The following WWOX variants were observed in gnomAD, a reference collection of about 807,000 sequenced individuals.
WWOX encodes WW domain containing oxidoreductase.
In WWOX, 69 loss-of-function variants were observed where a neutral mutation model predicts 46.2. The observed-to-expected ratio is 1.49, with a 90% CI of 1.23 to 1.82. The LOEUF (loss-of-function observed/expected upper bound fraction) is 1.82. Among genes scored for constraint, WWOX ranks in the 40% most tolerant of loss-of-function variants. The pLI, the probability that WWOX is intolerant of heterozygous loss-of-function variation, is 0.00. For synonymous variants in WWOX, 359 were observed against 202.6 expected, an observed-to-expected ratio of 1.77 and a Z score of -6.56; for missense variants, 919 against 542.6, an observed-to-expected ratio of 1.69 and a Z score of -6.89.
rs141068907 is a variant in WWOX, at chr16:78,621,130, G to C, written c.1056+188378G>C. ...CTTTGAAAATGCTGGGTTTTAATGG[G>C]CAGGGTATAGTGCAGAAACCAGATG... On this transcript the variant is annotated intron_variant, in intron 8 of 8. Transcript: ENST00000566780. Among the ~76,000 whole-genome samples the C allele has an allele frequency of 1.5e-4, 23 of 152,212 alleles. No individual in the cohort carries two copies. In the East Asian group the frequency reaches 4.3e-3, roughly 28 times the overall value.
chr16:78,698,786 A>T (rs1170770609), intron 8 of WWOX, among the ~76,000 whole-genome samples: 1 of 152,176 alleles, frequency 6.6e-6, no homozygotes, highest in African/African-American at 2.4e-5. Flanking sequence ...GGCTGCAATG[A>T]GCTATGACTA....
chr16:78,533,877 C>T (rs1005924793), intron 8 of WWOX, among the ~76,000 whole-genome samples: 2 of 152,116 alleles, frequency 1.3e-5, no homozygotes, highest in African/African-American at 4.8e-5. Flanking sequence ...TCTGTGAGCC[C>T]TTTGAGGATG....
intron 8 of WWOX, among the ~76,000 whole-genome samples, chr16:79,191,966 T>C (rs1408561071): frequency 6.6e-6 from 1 of 152,204 alleles, no homozygotes; most frequent in Non-Finnish European, 1.5e-5. Context: ...TGATTTAAGC[T>C]AAAAATGGCT....
At chr16:79,005,581 T>TG (rs2047174624) in intron 8 of WWOX, among the ~76,000 whole-genome samples, 1 of 152,164 alleles carries the variant, frequency 6.6e-6, no homozygotes, top group Non-Finnish European at 1.5e-5. Flanking sequence ...CTTTGGTGTT[T>TG]GGGGCATGTT....
intron 8 of WWOX, among the ~76,000 whole-genome samples, chr16:78,933,943 G>A (rs2151284657): frequency 6.6e-6 from 1 of 152,202 alleles, no homozygotes; most frequent in East Asian, 1.9e-4. Context: ...TGTAATCCCA[G>A]TGCTTTGGGA....
intron 8 of WWOX, among the ~76,000 whole-genome samples, chr16:78,834,144 C>T (rs1476200695): frequency 6.6e-6 from 1 of 152,146 alleles, no homozygotes; most frequent in Non-Finnish European, 1.5e-5. Flanking sequence ...GATGCTGTGG[C>T]CTGAATAACA....
intron 3 of WWOX, 38 bp downstream of exon 3, chr16:78,109,873 C>G (rs767784132): frequency 1.2e-6 from 2 of 1,610,858 alleles, no homozygotes; most frequent in Non-Finnish European, 1.7e-6. Flanking sequence ...AGCTGTTTTG[C>G]TTTTTAATAG....
At chr16:78,174,668 C>T (rs1292450557) in intron 5 of WWOX, among the ~76,000 whole-genome samples, 5 of 152,188 alleles carry the variant, frequency 3.3e-5, no homozygotes, top group Admixed American at 3.3e-4. Flanking sequence ...CTTTCCTCAG[C>T]TTCCCACCAA....
At chr16:78,293,216 C>T (rs2079887372) in intron 5 of WWOX, among the ~76,000 whole-genome samples, 1 of 152,180 alleles carries the variant, frequency 6.6e-6, no homozygotes, top group Non-Finnish European at 1.5e-5. Context: ...AACTCAGCTG[C>T]CAAACAGGGA....
At chr16:79,067,644 G>T (rs548935609) in intron 8 of WWOX, among the ~76,000 whole-genome samples, 8 of 141,536 alleles carry the variant, frequency 5.7e-5, no homozygotes, top group African/African-American at 1.8e-4. Flanking sequence ...GGGCGGGGGG[G>T]GGCACTTATC....
At chr16:78,423,453 A>G (rs1441018728) in intron 6 of WWOX, among the ~76,000 whole-genome samples, 1 of 152,128 alleles carries the variant, frequency 6.6e-6, no homozygotes, top group Non-Finnish European at 1.5e-5. Flanking sequence ...ATAGCCTTGT[A>G]TATATTTATT....
At chr16:78,681,941 C>G (rs1228299725) in intron 8 of WWOX, among the ~76,000 whole-genome samples, 1 of 152,156 alleles carries the variant, frequency 6.6e-6, no homozygotes, top group Non-Finnish European at 1.5e-5. Flanking sequence ...CAGGAGTCTG[C>G]TTTTCTAGCA....
intron 8 of WWOX, among the ~76,000 whole-genome samples, chr16:78,599,255 G>C (rs1333317966): frequency 6.6e-6 from 1 of 152,212 alleles, no homozygotes; most frequent in Non-Finnish European, 1.5e-5. Flanking sequence ...AAAATTCTCA[G>C]CTGGTCTAGC....
intron 8 of WWOX, among the ~76,000 whole-genome samples, chr16:78,921,411 G>C (rs1422127718): frequency 2.0e-5 from 3 of 152,192 alleles, no homozygotes; most frequent in African/African-American, 7.2e-5. Context: ...AAAATTAGGA[G>C]AGTAGATAGA....
intron 8 of WWOX, among the ~76,000 whole-genome samples, chr16:78,634,022 G>A (rs2046504998): frequency 6.6e-6 from 1 of 151,980 alleles, no homozygotes; most frequent in Admixed American, 6.6e-5. Context: ...CGAGCCAACT[G>A]ACAGCCAGCT....
chr16:78,155,736 T>G (rs1036807304), intron 4 of WWOX, among the ~76,000 whole-genome samples: 1 of 152,234 alleles, frequency 6.6e-6, no homozygotes, highest in African/African-American at 2.4e-5. Flanking sequence ...AACCATTGCC[T>G]TCATTATTTT....
At chr16:79,207,607 T>C (rs2051560596) in intron 8 of WWOX, among the ~76,000 whole-genome samples, 1 of 152,246 alleles carries the variant, frequency 6.6e-6, no homozygotes, top group Non-Finnish European at 1.5e-5. Flanking sequence ...CATGATATTG[T>C]GTCTATTTTT....
At chr16:78,618,682 C>T (rs573578259) in intron 8 of WWOX, among the ~76,000 whole-genome samples, 3 of 152,124 alleles carry the variant, frequency 2.0e-5, no homozygotes, top group South Asian at 2.1e-4. Flanking sequence ...ATGTTTGATC[C>T]GGGGGAATAA....
chr16:78,796,431 T>C (rs931166067), intron 8 of WWOX, among the ~76,000 whole-genome samples: 2 of 152,222 alleles, frequency 1.3e-5, no homozygotes, highest in African/African-American at 2.4e-5. Flanking sequence ...CTGCTTCCCA[T>C]TGGCCAGAAT....
Sources: gnomAD v4.1 joint callset for allele counts (sites outside exome capture counted in the v4.1 genomes callset) on GRCh38, gnomAD v4.1.1 for gene constraint, MANE v1.5 for transcripts, NCBI Gene and HGNC (gene_info 2026-07-23, HGNC 2026-07-21) for gene names.